The following SDK1 variants were observed in gnomAD, a reference collection of about 807,000 sequenced individuals.
The protein encoded by SDK1 is protein sidekick-1.
SDK1 carries 157 observed loss-of-function variants against 245.5 expected under a neutral mutation model. The ratio of observed to expected loss-of-function variants is 0.64; its 90% confidence interval spans 0.56 to 0.73. The LOEUF is 0.73. Ranked by LOEUF, SDK1 falls within the 30% of genes least tolerant of loss-of-function variation. SDK1 has a pLI of 0.00. For missense variants in SDK1, 3,583 were observed against 3,002.3 expected, an observed-to-expected ratio of 1.19 and a Z score of -4.52; for synonymous variants, 1,647 against 1,278.5, an observed-to-expected ratio of 1.29 and a Z score of -6.15.
At chr7:3,737,048 G>A (rs1453020572) in intron 4 of SDK1, among the ~76,000 whole-genome samples, 2 of 152,196 alleles carry the variant, frequency 1.3e-5, no homozygotes, top group South Asian at 2.1e-4. Flanking sequence ...ATTCCACTCA[G>A]GAGAATGCCC....
intron 1 of SDK1, among the ~76,000 whole-genome samples, chr7:3,608,177 T>C (rs1346251306): frequency 6.6e-6 from 1 of 152,202 alleles, no homozygotes; most frequent in Non-Finnish European, 1.5e-5. Context: ...AGCCTTAAAG[T>C]AGTAAAAATT....
chr7:3,932,971 C>T (rs1780030886), intron 5 of SDK1, among the ~76,000 whole-genome samples: 1 of 150,598 alleles, frequency 6.6e-6, no homozygotes, highest in African/African-American at 2.5e-5. Flanking sequence ...GACAGTGAAT[C>T]CCCAAAGAGG....
chr7:3,697,299 C>G (rs1168941831), intron 4 of SDK1, among the ~76,000 whole-genome samples: 1 of 152,180 alleles, frequency 6.6e-6, no homozygotes, highest in Non-Finnish European at 1.5e-5. Context: ...TTACTCATCC[C>G]TTTCTTTCCC....
chr7:3,479,999 C>G (rs185946925), intron 1 of SDK1, among the ~76,000 whole-genome samples: 32 of 152,166 alleles, frequency 2.1e-4, no homozygotes, highest in African/African-American at 7.2e-4. Flanking sequence ...CCTCACCTGT[C>G]CACGCCCAAA....
At chr7:3,757,156 A>C (rs1322173789) in intron 4 of SDK1, among the ~76,000 whole-genome samples, 1 of 152,054 alleles carries the variant, frequency 6.6e-6, no homozygotes, top group African/African-American at 2.4e-5. Flanking sequence ...AACTACCCCC[A>C]CTTCAGATCC....
chr7:4,108,802 C>T (rs970558749), intron 22 of SDK1, among the ~76,000 whole-genome samples: 4 of 152,168 alleles, frequency 2.6e-5, no homozygotes, highest in Non-Finnish European at 5.9e-5. Flanking sequence ...CACAAAGAGA[C>T]CTCATACCCA....
At chr7:3,840,502 A>G (rs375657382) in intron 5 of SDK1, among the ~76,000 whole-genome samples, 10 of 152,230 alleles carry the variant, frequency 6.6e-5, no homozygotes, top group African/African-American at 1.9e-4. Context: ...GGCTAGTACT[A>G]TCAGCATCAT....
chr7:3,953,669 G>T (rs903485096), intron 7 of SDK1, among the ~76,000 whole-genome samples: 1 of 152,170 alleles, frequency 6.6e-6, no homozygotes, highest in Non-Finnish European at 1.5e-5. Context: ...GAGAATGTTT[G>T]TTTCGATCAT....
chr7:3,757,411 A>G (rs1324449546), intron 4 of SDK1, among the ~76,000 whole-genome samples: 1 of 152,054 alleles, frequency 6.6e-6, no homozygotes. Flanking sequence ...ATTTAAAATT[A>G]TTTTTAATAG....
intron 32 of SDK1, among the ~76,000 whole-genome samples, chr7:4,169,935 C>T (rs1781734772): frequency 6.6e-6 from 1 of 152,278 alleles, no homozygotes; most frequent in South Asian, 2.1e-4. Context: ...GGAAAGCAAA[C>T]GGCCATGGAG....
intron 19 of SDK1, among the ~76,000 whole-genome samples, chr7:4,056,046 G>T (rs760374023): frequency 6.6e-6 from 1 of 151,964 alleles, no homozygotes; most frequent in Non-Finnish European, 1.5e-5. Context: ...AATGGCCTAG[G>T]ATATGGTCAA....
rs555944285 is a variant in SDK1, at chr7:3,481,119, A to G, written c.299-137961A>G. On this transcript the variant is annotated intron_variant, in intron 1 of 44. Coordinates refer to ENST00000404826, the MANE Select transcript of SDK1 (RefSeq NM_152744.4). ...TTATTTGAATTATTTTTACCATTTTATTTTGTCCTTTCACTTTTTAAAACT... is the reference window on the plus strand; with the variant it reads ...TTATTTGAATTATTTTTACCATTTTGTTTTGTCCTTTCACTTTTTAAAACT... Among the ~76,000 whole-genome samples, 3 of 152,174 alleles carry G rather than the reference A, an allele frequency of 2.0e-5. No homozygotes were observed. In the East Asian group the frequency reaches 5.8e-4, roughly 29 times the overall value.
chr7:3,703,094 A>G (rs1036051236), intron 4 of SDK1, among the ~76,000 whole-genome samples: 4 of 151,222 alleles, frequency 2.6e-5, no homozygotes, highest in Admixed American at 6.6e-5. Flanking sequence ...TATGCCGACG[A>G]TACGACTTAG....
intron 7 of SDK1, chr7:3,958,382 G>C: frequency 4.7e-6 from 1 of 214,216 alleles, no homozygotes; most frequent in Non-Finnish European, 9.4e-6. Context: ...AAGTGCCTAG[G>C]AGTTTCCTTT....
At chr7:3,566,517 G>A (rs1038065478) in intron 1 of SDK1, among the ~76,000 whole-genome samples, 1 of 151,922 alleles carries the variant, frequency 6.6e-6, no homozygotes, top group African/African-American at 2.4e-5. Flanking sequence ...GAGCCACCAC[G>A]CCCGGCCGAT....
At chr7:3,691,876 G>C (rs564582989) in intron 4 of SDK1, among the ~76,000 whole-genome samples, 1 of 152,208 alleles carries the variant, frequency 6.6e-6, no homozygotes, top group African/African-American at 2.4e-5. Flanking sequence ...AGGCAATGGG[G>C]GTGTCTTTAA....
At chr7:3,836,400 G>A (rs948579654) in intron 5 of SDK1, among the ~76,000 whole-genome samples, 1 of 152,130 alleles carries the variant, frequency 6.6e-6, no homozygotes, top group Non-Finnish European at 1.5e-5. Flanking sequence ...TTGAGTTGCT[G>A]TACAAGATAC....
chr7:3,646,069 G>C (rs958277453), intron 4 of SDK1, among the ~76,000 whole-genome samples: 1 of 152,052 alleles, frequency 6.6e-6, no homozygotes, highest in Non-Finnish European at 1.5e-5. Flanking sequence ...ATGCTGGCCA[G>C]GCTGGTCTCG....
At chr7:3,510,392 C>T (rs555224606) in intron 1 of SDK1, among the ~76,000 whole-genome samples, 3 of 152,228 alleles carry the variant, frequency 2.0e-5, no homozygotes, top group South Asian at 2.1e-4. Context: ...TAGTTATGTT[C>T]CATGTAGTTG....
Sources: allele counts gnomAD v4.1 joint callset (sites outside exome capture counted in the v4.1 genomes callset), GRCh38; gene constraint gnomAD v4.1.1; transcripts MANE v1.5; gene names NCBI Gene and HGNC (gene_info 2026-07-23, HGNC 2026-07-21).